DOCK6: variants seen among roughly 807,000 people sequenced by gnomAD.
The protein encoded by DOCK6 is dedicator of cytokinesis protein 6.
In DOCK6, 167 loss-of-function variants were observed where a neutral mutation model predicts 230.3. The observed-to-expected ratio is 0.73, with a 90% CI of 0.64 to 0.82. The LOEUF (loss-of-function observed/expected upper bound fraction) is 0.82. DOCK6 is among the 40% of genes least tolerant of loss of function. DOCK6 has a pLI of 0.00. For synonymous variants in DOCK6, 1,148 were observed against 1,185.0 expected, an observed-to-expected ratio of 0.97 and a Z score of 0.64; for missense variants, 2,598 against 2,825.8, an observed-to-expected ratio of 0.92 and a Z score of 1.83.
Position 11,243,543 on chromosome 19 carries a change from C to T in DOCK6, c.1258+14G>A, listed in dbSNP as rs770865631. 6.3e-7 allele frequency: 1 copy of T among 1,587,824 alleles called. No individual in the cohort carries two copies. Among genetic ancestry groups the T allele is most frequent in the Non-Finnish European group, 8.6e-7 (1 of 1,168,882 alleles). On this transcript the variant is annotated intron_variant, in intron 11 of 47. Transcript: ENST00000294618. This position sits in a 1 kb window ranked among gnomAD's most constrained non-coding sequence, Gnocchi z 6.3. ...TTTAGCCCCGCCCCAAGCCTGTTAG[C>T]CCCGCCTCCTCACCGCCCTCCGAGT...
In DOCK6 at chr19:11,212,243, GTTCT is replaced by G. The variant is rs1432793748; in HGVS notation, c.4492-96_4492-93del. ...CTCAACCTGCCGACATGGCCCTTGC[GTTCT>G]TTATTTTTTTTGAGATGGGGGTCTC... On this transcript the variant is annotated intron_variant, in intron 35 of 47. Transcript: ENST00000294618. The G allele has an allele frequency of 4.1e-5, 58 of 1,429,662 alleles. No homozygotes were observed. In the South Asian group the frequency reaches 4.9e-4, roughly 12 times the overall value. The allele number at this position is 1,429,662 out of a possible 1,614,324, so 88.6% of individuals were successfully genotyped here.
intron 5 of DOCK6, 74 bp from the exon 6 acceptor site, chr19:11,251,160 C>T: frequency 7.1e-7 from 1 of 1,415,252 alleles, no homozygotes; most frequent in South Asian, 1.2e-5. Flanking sequence ...AGAGTGTCCT[C>T]ATACTCATTC....
Position 11,227,486 on chromosome 19 carries a change from G to A in DOCK6, c.2815-9C>T. 6.4e-7 allele frequency: 1 copy of A among 1,561,024 alleles called. No homozygotes were observed. Among genetic ancestry groups the A allele is most frequent in the African/African-American group, 1.4e-5 (1 of 73,554 alleles). On this transcript the variant is annotated splice_polypyrimidine_tract_variant and intron_variant, in intron 23 of 47. Transcript: ENST00000294618. ...AGCGCCATACTCTTCACCTGGGGGT[G>A]GGGTGAGAGGGCTGTGGGTGGGATT...
In DOCK6 at chr19:11,227,384, C is replaced by G; in HGVS notation, c.2908G>C (p.Ala970Pro). The G allele has an allele frequency of 6.2e-7, 1 of 1,613,864 alleles. No individual in the cohort carries two copies. Among genetic ancestry groups the G allele is most frequent in the East Asian group, 2.2e-5 (1 of 44,884 alleles). Reference sequence around the variant, plus strand: ...TCCAGGCCCACAGAGCCCACCAAGGCAGTGATGTCGTCCAGGAAGCGTCCG... The same window carrying G: ...TCCAGGCCCACAGAGCCCACCAAGGGAGTGATGTCGTCCAGGAAGCGTCCG... ...FPGRFLDDIT[A>P]LVGSVGLEVI... is the part of the protein sequence containing the mutation. The change falls in exon 24 of 48, where the codon GCC (alanine) becomes CCC (proline). Residue 970 changes from alanine (A) to proline (P), a missense_variant. By Grantham distance (27) the Ala-to-Pro change is conservative. Coordinates refer to ENST00000294618, the MANE Select transcript of DOCK6 (RefSeq NM_020812.4).
chr19:11,208,865 C>A (rs1410130591), intron 38 of DOCK6, 36 bp from the exon 39 acceptor site: 2 of 1,601,568 alleles, frequency 1.2e-6, no homozygotes, highest in South Asian at 1.1e-5. Flanking sequence ...CCCTGGTCCC[C>A]ACTGCACTCG....
rs960814664 is a variant in DOCK6 at position 11,235,470 on chromosome 19, C to T, written c.2554+128G>A. The T allele has an allele frequency of 1.8e-5, 17 of 955,650 alleles. No individual in the cohort carries two copies. In the Middle Eastern group the frequency reaches 1.1e-3, roughly 64 times the overall value. The allele number at this position is 955,650 out of a possible 1,614,324, so 59.2% of individuals were successfully genotyped here. A position where few individuals can be genotyped will look rare whatever the true frequency, so the allele number is the denominator to read the frequency against. ...TTCATCATGTTGGCCAAGTTGATCT[C>T]GAACTCCTGACCTCAAATGATCCAT... On this transcript the variant is annotated intron_variant, in intron 21 of 47. Coordinates refer to ENST00000294618, the MANE Select transcript of DOCK6 (RefSeq NM_020812.4).
intron 20 of DOCK6, 64 bp from the exon 21 acceptor site, chr19:11,235,823 C>T: frequency 6.6e-7 from 1 of 1,513,406 alleles, no homozygotes; most frequent in Admixed American, 2.1e-5. Flanking sequence ...GCCCACTTTC[C>T]AAATATAAAG....
chr19:11,213,659 G>GAGTGCACTCCA (rs1382850633), intron 34 of DOCK6, among the ~76,000 whole-genome samples: 1 of 150,768 alleles, frequency 6.6e-6, no homozygotes. Context: ...TGTCTCCCAG[G>GAGTGCACTCCA]CTGGAGTGCA....
intron 7 of DOCK6, 89 bp from the exon 8 acceptor site, chr19:11,245,967 A>C: frequency 6.9e-7 from 1 of 1,451,942 alleles, no homozygotes; most frequent in Non-Finnish European, 9.4e-7. Context: ...GGTGGGGGGC[A>C]TCTGACTCCC....
intron 39 of DOCK6, 135 bp from the exon 40 acceptor site, chr19:11,204,466 C>T (rs2079224646): frequency 1.6e-6 from 2 of 1,249,032 alleles, no homozygotes; most frequent in South Asian, 3.2e-5. Flanking sequence ...CCACCCTGAC[C>T]ACCCCTATCC....
In DOCK6 at chr19:11,233,246, G is replaced by C; in HGVS notation, c.2675C>G (p.Pro892Arg). Residue 892 changes from proline (P) to arginine (R), a missense_variant, in exon 22 of 48, where the codon CCT (proline) becomes CGT (arginine). Coordinates refer to ENST00000294618, the MANE Select transcript of DOCK6 (RefSeq NM_020812.4). ...GGAAACCTCGTCATCCACAGAGCCA[G>C]GGGCCACGGCGAGGTCAGGGTTGCT... Reference protein sequence around the residue: ...SSSNPDLAVAPGSVDDEVSRI... With the variant: ...SSSNPDLAVARGSVDDEVSRI... 3 of 1,613,878 alleles carry C rather than the reference G, an allele frequency of 1.9e-6. No individual in the cohort carries two copies. The highest frequency in any genetic ancestry group is 2.5e-6 in the Non-Finnish European group (3 of 1,179,864).
intron 6 of DOCK6, among the ~76,000 whole-genome samples, chr19:11,248,884 G>A (rs977155032): frequency 4.8e-4 from 73 of 152,288 alleles, no homozygotes; most frequent in African/African-American, 1.7e-3. Context: ...CCTACTAAAA[G>A]TTAGTTGGAT....
chr19:11,221,719 A>C, intron 28 of DOCK6, 132 bp downstream of exon 28: 1 of 1,403,916 alleles, frequency 7.1e-7, no homozygotes, highest in Non-Finnish European at 9.9e-7. Context: ...CTGTCCTAGC[A>C]CTTTAACCTG....
At chr19:11,239,741 T>G (rs2079910752) in intron 14 of DOCK6, 1 of 1,613,060 alleles carries the variant, frequency 6.2e-7, no homozygotes, top group Admixed American at 1.7e-5. Context: ...CATGAGGAGC[T>G]GACCCTGCTC....
At chr19:11,242,299 T>C (rs1014610151) in intron 13 of DOCK6, 92 bp from the exon 14 acceptor site, 2 of 1,241,162 alleles carry the variant, frequency 1.6e-6, no homozygotes, top group African/African-American at 1.6e-5. Context: ...GACTCTCCCA[T>C]GATGTTCTCT....
At chr19:11,257,406 C>A (rs1447721255) in intron 1 of DOCK6, among the ~76,000 whole-genome samples, 1 of 147,330 alleles carries the variant, frequency 6.8e-6, no homozygotes, top group Non-Finnish European at 1.5e-5. Context: ...GCGGGAGGAT[C>A]GCTTGAGCCC....
At chr19:11,262,187 G>A (rs891153536) in intron 1 of DOCK6, among the ~76,000 whole-genome samples, 24 of 152,062 alleles carry the variant, frequency 1.6e-4, no homozygotes, top group Admixed American at 2.6e-4. Context: ...TCCCAGCCCC[G>A]ACGCGACTCC....
At chr19:11,241,870 G>C (rs1275896091) in intron 14 of DOCK6, 175 bp downstream of exon 14, 1 of 1,268,722 alleles carries the variant, frequency 7.9e-7, no homozygotes, top group African/African-American at 1.5e-5. Context: ...AGCCCCATTG[G>C]GGAGGGGTGG....
chr19:11,208,585 C>T, intron 39 of DOCK6, 101 bp downstream of exon 39: 2 of 1,485,814 alleles, frequency 1.3e-6, no homozygotes, highest in Non-Finnish European at 9.0e-7. Flanking sequence ...AGCCTATTCT[C>T]CTTCTTTCTA....
Sources: gnomAD v4.1 joint callset for allele counts (sites outside exome capture counted in the v4.1 genomes callset) on GRCh38, gnomAD v4.1.1 for gene constraint, Gnocchi (gnomAD v3.1) non-coding constraint, MANE v1.5 for transcripts, NCBI Gene and HGNC (gene_info 2026-07-23, HGNC 2026-07-21) for gene names.